Variants in SPRING1 observed in about 807,000 individuals in gnomAD.
The protein encoded by SPRING1 is SREBF pathway regulator in golgi 1.
Under a neutral mutation model 24.7 loss-of-function variants are expected in SPRING1, and 14 were observed. That is an observed-to-expected ratio of 0.57 (90% CI 0.37 to 0.88). The LOEUF (loss-of-function observed/expected upper bound fraction) is 0.88, where lower values mean the gene tolerates loss of function less well. SPRING1 is among the 40% of genes least tolerant of loss of function. The pLI is 0.00. For missense variants in SPRING1, 255 were observed against 268.4 expected (o/e 0.95, Z 0.35); for synonymous variants, 93 against 106.1 (o/e 0.88, Z 0.76).
chr12:116,721,544 T>C (rs1352390107), intron 2 of SPRING1, among the ~76,000 whole-genome samples: 4 of 152,236 alleles, frequency 2.6e-5, no homozygotes, highest in Non-Finnish European at 5.9e-5. Flanking sequence ...ATGAGGTCTA[T>C]AGAGAACTGG....
intron 1 of SPRING1, 28 bp from the exon 2 acceptor site, chr12:116,723,251 T>C (rs1269675159): frequency 6.2e-7 from 1 of 1,612,700 alleles, no homozygotes; most frequent in South Asian, 1.1e-5. Flanking sequence ...GTGAGAAGGT[T>C]AAGTATCCAG....
At chr12:116,722,966 A>T in intron 2 of SPRING1, 101 bp downstream of exon 2, 1 of 1,440,902 alleles carries the variant, frequency 6.9e-7, no homozygotes, top group Non-Finnish European at 9.5e-7. Flanking sequence ...CGAGGAGAGA[A>T]AATGTGTTGC....
In SPRING1 at chr12:116,711,639, G is replaced by A. The variant is rs1219638840; in HGVS notation, c.*6171C>T. 6.6e-6 allele frequency: 1 copy of A among 152,228 alleles called. No homozygotes were observed. The highest frequency in any genetic ancestry group is 1.9e-4 in the East Asian group (1 of 5,198). The allele number at this position is 152,228 out of a possible 1,614,324, so 9.4% of individuals were successfully genotyped here. On this transcript the variant is annotated 3_prime_UTR_variant, in exon 5 of 5. Transcript: ENST00000261318. ...AACACTTTTTTCCCCTCCTCAGACA[G>A]GGTCTCACTCTGTGGCCCAGGTTGG...
In SPRING1 at chr12:116,720,115, A is replaced by G. The variant is rs760191576; in HGVS notation, c.420+181T>C. 4.9e-6 allele frequency: 4 copies of G among 819,410 alleles called. No individual in the cohort carries two copies. The highest frequency in any genetic ancestry group is 7.5e-6 in the Non-Finnish European group (4 of 531,606). 50.8% of individuals were successfully genotyped at this position (819,410 alleles called of 1,614,324 possible). ...ATCCATTCTGCAAAAGAACCATTCA[A>G]GCAACTGGGAACCACCTCCTTTCCT... is the stretch of plus-strand genomic sequence containing the variant. On this transcript the variant is annotated intron_variant, in intron 3 of 4. Coordinates refer to ENST00000261318, the MANE Select transcript of SPRING1 (RefSeq NM_024738.4). The surrounding 1 kb of genome is among the most constrained non-coding windows in gnomAD (Gnocchi z 4.0).
Position 116,714,576 on chromosome 12 carries a change from C to G in SPRING1, c.*3234G>C, listed in dbSNP as rs1870024338. Reference sequence around the variant, plus strand: ...TCGGAGGCTCAGGCGGGCAGATCATCTGAGGTCAGGAGTCCGTGACCAGCC... The same window carrying G: ...TCGGAGGCTCAGGCGGGCAGATCATGTGAGGTCAGGAGTCCGTGACCAGCC... On this transcript the variant is annotated 3_prime_UTR_variant, in exon 5 of 5. Transcript: ENST00000261318. The G allele has an allele frequency of 6.6e-6, 1 of 152,342 alleles. No homozygotes were observed. Among genetic ancestry groups the G allele is most frequent in the Non-Finnish European group, 1.5e-5 (1 of 68,200 alleles). The allele number at this position is 152,342 out of a possible 1,614,324, so 9.4% of individuals were successfully genotyped here. A position where few individuals can be genotyped will look rare whatever the true frequency, so the allele number is the denominator to read the frequency against.
chr12:116,729,841 T>G (rs902799196), intron 1 of SPRING1, among the ~76,000 whole-genome samples: 2 of 152,234 alleles, frequency 1.3e-5, no homozygotes, highest in African/African-American at 4.8e-5. Flanking sequence ...ATGAAAATGT[T>G]TTAAAACTAC....
chr12:116,726,086 C>G (rs1206488193), intron 1 of SPRING1, among the ~76,000 whole-genome samples: 1 of 152,150 alleles, frequency 6.6e-6, no homozygotes, highest in African/African-American at 2.4e-5. Context: ...CTCTTCTTGA[C>G]ACTAATTGGA....
rs1870227783 is a variant in SPRING1, at chr12:116,717,845, A to G, written c.583T>C (p.Tyr195His). ...AAGAGCTCGGGCGGGCTTTCTCCAT[A>G]GCAATACTTTGCTATGGGGTCCCGG... ...TYRDPIAKYCYGESPPELFPA is the reference protein window; with the variant it reads ...TYRDPIAKYCHGESPPELFPA The change falls in exon 5 of 5, where the codon TAT becomes CAT. Residue 195 changes from tyrosine (Y) to histidine (H), a missense_variant. Transcript: ENST00000261318. The surrounding 1 kb of genome is among the most constrained non-coding windows in gnomAD (Gnocchi z 4.2). 2.5e-6 allele frequency: 4 copies of G among 1,607,900 alleles called. No homozygotes were observed. The highest frequency in any genetic ancestry group is 3.4e-6 in the Non-Finnish European group (4 of 1,177,418).
rs1229827453 is a variant in SPRING1 at position 116,719,762 on chromosome 12, C to G, written c.534+1G>C. On this transcript the variant is annotated splice_donor_variant, in intron 4 of 4. Transcript: ENST00000261318. LOFTEE classifies it high-confidence loss of function. ...CAGCTAGAGACATCACAGCTTCTGA[C>G]CTGAGATGAGGTCCTGCATTTGGCC... 30 of 1,612,030 alleles carry G rather than the reference C, an allele frequency of 1.9e-5. No individual in the cohort carries two copies. The highest frequency in any genetic ancestry group is 2.5e-5 in the Non-Finnish European group (29 of 1,178,408).
intron 3 of SPRING1, 60 bp from the exon 4 acceptor site, chr12:116,719,936 G>C: frequency 7.0e-7 from 1 of 1,422,326 alleles, no homozygotes; most frequent in Non-Finnish European, 9.9e-7. Context: ...AGGTGACCTT[G>C]GCTATCTCTC....
chr12:116,727,519 C>T (rs1870757578), intron 1 of SPRING1, among the ~76,000 whole-genome samples: 1 of 152,078 alleles, frequency 6.6e-6, no homozygotes, highest in Admixed American at 6.6e-5. Context: ...GATAAATGTC[C>T]CATGTAAGCA....
At chr12:116,731,896 C>T (rs1366719540) in intron 1 of SPRING1, among the ~76,000 whole-genome samples, 1 of 152,178 alleles carries the variant, frequency 6.6e-6, no homozygotes, top group East Asian at 1.9e-4. Flanking sequence ...CTGAATGAGG[C>T]CCCCTCTCAG....
intron 1 of SPRING1, 131 bp downstream of exon 1, chr12:116,737,659 A>C (rs1871332088): frequency 9.6e-7 from 1 of 1,043,044 alleles, no homozygotes; most frequent in South Asian, 2.4e-5. Flanking sequence ...GAAAGAAAGG[A>C]AGGGAAGGGG....
chr12:116,720,353 G>A lies in SPRING1; in HGVS notation c.363C>T (p.Pro121=), dbSNP rs1870366766. The A allele has an allele frequency of 6.2e-7, 1 of 1,614,214 alleles. No homozygotes were observed. Among genetic ancestry groups the A allele is most frequent in the African/African-American group, 1.3e-5 (1 of 75,052 alleles). ...ACTCATAGGCGCTGCAGCAGCCGTT[G>A]GGCCAGCAGCCATCACAGCAGTACT... ...TKQYCCDGCW[P]NGCCSAYEYC... is the part of the protein sequence containing the mutation. The change falls in exon 3 of 5, where the codon CCC becomes CCT. Residue 121 remains proline, a synonymous_variant. Coordinates refer to ENST00000261318, the MANE Select transcript of SPRING1 (RefSeq NM_024738.4). The surrounding 1 kb of genome is among the most constrained non-coding windows in gnomAD (Gnocchi z 4.0).
chr12:116,720,299 G>T lies in SPRING1; in HGVS notation c.417C>A (p.Asn139Lys), dbSNP rs1461584552. 2 of 1,608,322 alleles carry T rather than the reference G, an allele frequency of 1.2e-6. No homozygotes were observed. Among genetic ancestry groups the T allele is most frequent in the South Asian group, 1.1e-5 (1 of 90,108 alleles). Residue 139 changes from asparagine to lysine, a missense_variant, in exon 3 of 5, where the codon AAC (asparagine) becomes AAA (lysine). Asn to Lys is a moderately conservative substitution (Grantham distance 94). Transcript: ENST00000261318. The surrounding 1 kb of genome is among the most constrained non-coding windows in gnomAD (Gnocchi z 4.0). Reference protein sequence around the residue: ...EYCVSCCLQPNKQLLLERFLN... With the variant: ...EYCVSCCLQPKKQLLLERFLN... ...AACCAGGATCAACTCCCCATACCTT[G>T]TTGGGCTGCAGGCAGCAGGAGACAC...
At chr12:116,727,075 T>C (rs1870731336) in intron 1 of SPRING1, among the ~76,000 whole-genome samples, 1 of 152,262 alleles carries the variant, frequency 6.6e-6, no homozygotes, top group African/African-American at 2.4e-5. Flanking sequence ...CTTCACAGGA[T>C]AGGGAGCTTT....
At chr12:116,721,513 C>A (rs1870434273) in intron 2 of SPRING1, among the ~76,000 whole-genome samples, 1 of 152,116 alleles carries the variant, frequency 6.6e-6, no homozygotes, top group African/African-American at 2.4e-5. Context: ...CTAAAAGGGC[C>A]CTCACTTAAG....
chr12:116,737,888 C>A lies in SPRING1; in HGVS notation c.13G>T (p.Ala5Ser). The change falls in exon 1 of 5, where the codon GCG (alanine) becomes TCG (serine). Residue 5 changes from alanine (A) to serine (S), a missense_variant. Transcript: ENST00000261318. MVNL[A>S]AMVWRRLLRK... is the part of the protein sequence containing the mutation. ...AGAAGCCGGCGCCACACCATGGCCG[C>A]CAGGTTCACCATCCCGGCGCGGACG... The A allele has an allele frequency of 1.9e-6, 3 of 1,562,380 alleles. No individual in the cohort carries two copies. The highest frequency in any genetic ancestry group is 2.6e-6 in the Non-Finnish European group (3 of 1,155,998).
At chr12:116,725,201 G>A (rs995670363) in intron 1 of SPRING1, among the ~76,000 whole-genome samples, 2 of 152,202 alleles carry the variant, frequency 1.3e-5, no homozygotes, top group Non-Finnish European at 2.9e-5. Context: ...GAAGTAAACA[G>A]TTCCTAAGTT....
Sources: allele counts gnomAD v4.1 joint callset (sites outside exome capture counted in the v4.1 genomes callset), GRCh38; gene constraint gnomAD v4.1.1; non-coding constraint Gnocchi (gnomAD v3.1); transcripts MANE v1.5; gene names NCBI Gene and HGNC (gene_info 2026-07-23, HGNC 2026-07-21).